CSMD1: variants seen among roughly 807,000 people sequenced by gnomAD.
The protein encoded by CSMD1 is CUB and Sushi multiple domains 1, also known as CUB and sushi domain-containing protein 1.
CSMD1 carries 213 observed loss-of-function variants against 417.5 expected under a neutral mutation model. The ratio of observed to expected loss-of-function variants is 0.51; its 90% CI spans 0.46 to 0.57. The LOEUF (loss-of-function observed/expected upper bound fraction) is 0.57, where lower values mean the gene tolerates loss of function less well. CSMD1 is among the 20% of genes least tolerant of loss of function. CSMD1 has a pLI of 0.00. For missense variants in CSMD1, 6,923 were observed against 4,529.7 expected, an observed-to-expected ratio of 1.53 and a Z score of -15.17; for synonymous variants, 2,862 against 1,736.8, an observed-to-expected ratio of 1.65 and a Z score of -16.11.
chr8:4,989,821 C>T (rs948680604), intron 1 of CSMD1, among the ~76,000 whole-genome samples: 1 of 152,202 alleles, frequency 6.6e-6, no homozygotes, highest in Non-Finnish European at 1.5e-5. Context: ...CACGAACCAG[C>T]CACCGAGCTT....
At chr8:3,975,414 T>C (rs1383196384) in intron 5 of CSMD1, among the ~76,000 whole-genome samples, 1 of 152,114 alleles carries the variant, frequency 6.6e-6, no homozygotes, top group East Asian at 1.9e-4. Context: ...TAATACTAGA[T>C]GATAACCATT....
intron 4 of CSMD1, among the ~76,000 whole-genome samples, chr8:4,025,414 A>G (rs906249100): frequency 3.3e-5 from 5 of 152,228 alleles, no homozygotes; most frequent in African/African-American, 1.2e-4. Context: ...CCTAGGCTGT[A>G]CCATTATTAT....
chr8:3,312,770 C>A (rs1433137211), intron 23 of CSMD1, among the ~76,000 whole-genome samples: 2 of 151,322 alleles, frequency 1.3e-5, no homozygotes, highest in East Asian at 3.9e-4. Context: ...GCCCTTAGAG[C>A]CATAGCATGT....
chr8:4,936,085 G>C (rs1010071115), intron 1 of CSMD1, among the ~76,000 whole-genome samples: 14 of 152,186 alleles, frequency 9.2e-5, no homozygotes, highest in African/African-American at 3.4e-4. Context: ...ATCATCATAG[G>C]CAAGGAGTGG....
chr8:3,190,746 C>T (rs370694554), intron 33 of CSMD1, among the ~76,000 whole-genome samples: 1 of 152,178 alleles, frequency 6.6e-6, no homozygotes, highest in South Asian at 2.1e-4. Flanking sequence ...AAATGTCCAT[C>T]ATCAGATGAA....
intron 25 of CSMD1, among the ~76,000 whole-genome samples, chr8:3,297,822 T>G (rs1804084522): frequency 6.6e-6 from 1 of 151,996 alleles, no homozygotes; most frequent in Non-Finnish European, 1.5e-5. Flanking sequence ...TAAATATAGT[T>G]TAAAAATTTG....
intron 3 of CSMD1, among the ~76,000 whole-genome samples, chr8:4,372,488 C>CAA (rs1301672012): frequency 6.8e-6 from 1 of 146,544 alleles, no homozygotes; most frequent in African/African-American, 2.6e-5. Context: ...CTTAAAACAA[C>CAA]AACAACAAAA....
At chr8:3,455,812 G>T (rs1434987577) in intron 12 of CSMD1, among the ~76,000 whole-genome samples, 1 of 152,192 alleles carries the variant, frequency 6.6e-6, no homozygotes, top group Non-Finnish European at 1.5e-5. Flanking sequence ...GCTGCATGCT[G>T]GGAGAACCAC....
intron 3 of CSMD1, among the ~76,000 whole-genome samples, chr8:4,258,680 G>C (rs191190269): frequency 1.3e-5 from 2 of 151,670 alleles, no homozygotes; most frequent in African/African-American, 4.8e-5. Flanking sequence ...TCACCTTCCA[G>C]AGGACTTACC....
At chr8:2,982,793 A>G (rs1300646031) in intron 54 of CSMD1, among the ~76,000 whole-genome samples, 1 of 152,178 alleles carries the variant, frequency 6.6e-6, no homozygotes, top group Non-Finnish European at 1.5e-5. Context: ...GTTTTCCTGA[A>G]AAACTCCCTA....
intron 5 of CSMD1, among the ~76,000 whole-genome samples, chr8:3,924,520 G>A (rs527949539): frequency 2.4e-4 from 37 of 152,262 alleles, no homozygotes; most frequent in African/African-American, 8.7e-4. Flanking sequence ...TGGTTTCCCA[G>A]AAGCTCGGTG....
At chr8:4,452,674 A>C (rs958851537) in intron 2 of CSMD1, among the ~76,000 whole-genome samples, 1 of 152,308 alleles carries the variant, frequency 6.6e-6, no homozygotes, top group African/African-American at 2.4e-5. Context: ...TATTTTCTCC[A>C]GAAATAAAGT....
intron 3 of CSMD1, among the ~76,000 whole-genome samples, chr8:4,369,101 C>T (rs772255518): frequency 6.6e-6 from 1 of 152,108 alleles, no homozygotes; most frequent in Non-Finnish European, 1.5e-5. Context: ...AAACTTTCCT[C>T]TTAACACTGA....
chr8:4,864,664 T>C (rs923211603), intron 1 of CSMD1, among the ~76,000 whole-genome samples: 6 of 151,800 alleles, frequency 4.0e-5, no homozygotes, highest in African/African-American at 1.5e-4. Context: ...CAGATATTAA[T>C]AGTTCTACTA....
chr8:4,967,462 C>A (rs1809952326), intron 1 of CSMD1, among the ~76,000 whole-genome samples: 1 of 152,074 alleles, frequency 6.6e-6, no homozygotes, highest in African/African-American at 2.4e-5. Flanking sequence ...AGTCTATTAC[C>A]AGTGAATATA....
intron 2 of CSMD1, among the ~76,000 whole-genome samples, chr8:4,580,119 A>G (rs1490033822): frequency 6.6e-6 from 1 of 152,200 alleles, no homozygotes; most frequent in African/African-American, 2.4e-5. Flanking sequence ...TGTCTTTAAA[A>G]TGTATTAAAC....
rs1395595174 is a variant in CSMD1 at position 4,420,073 on chromosome 8, T to A, written c.303-8A>T. 1 of 1,535,808 alleles carries A rather than the reference T, an allele frequency of 6.5e-7. No homozygotes were observed. Among genetic ancestry groups the A allele is most frequent in the East Asian group, 2.4e-5 (1 of 41,374 alleles). The stretch of plus-strand genomic sequence containing the variant: ...AGCTGAAATCCCGATAATCTAAATT[T>A]AAAAGACAAGACACAAAGAGAGTTA... On this transcript the variant is annotated splice_region_variant and splice_polypyrimidine_tract_variant and intron_variant, in intron 2 of 69. Coordinates refer to ENST00000635120, the MANE Select transcript of CSMD1 (RefSeq NM_033225.6).
At position 2,988,367 on chromosome 8, in the gene CSMD1, A is replaced by G. The variant is rs181946995; in HGVS notation, c.8378-9567T>C. 2.0e-4 allele frequency among the ~76,000 whole-genome samples: 31 copies of G among 152,312 alleles called. No individual in the cohort carries two copies. The East Asian group carries it at 5.6e-3, about 28-fold the overall frequency. On this transcript the variant is annotated intron_variant, in intron 54 of 69. Transcript: ENST00000635120. ...AAATTATGAAAGAAAAGAAAAAACA[A>G]TATCTTAATGTTTGCATGCAATACA...
chr8:4,650,586 A>T (rs1803831778), intron 1 of CSMD1, among the ~76,000 whole-genome samples: 1 of 152,056 alleles, frequency 6.6e-6, no homozygotes, highest in Non-Finnish European at 1.5e-5. Flanking sequence ...TCCACGGAGA[A>T]TTCGGATTTG....
Sources: allele counts gnomAD v4.1 joint callset (sites outside exome capture counted in the v4.1 genomes callset), GRCh38; gene constraint gnomAD v4.1.1; transcripts MANE v1.5; gene names NCBI Gene and HGNC (gene_info 2026-07-23, HGNC 2026-07-21).